CACNA2D2: variants seen among roughly 807,000 people sequenced by gnomAD.
The protein encoded by CACNA2D2 is voltage-dependent calcium channel subunit alpha-2/delta-2.
CACNA2D2 carries 48 observed loss-of-function variants against 166.4 expected under a neutral mutation model. That is an observed-to-expected ratio of 0.29 (90% CI 0.23 to 0.37). The LOEUF (loss-of-function observed/expected upper bound fraction) is 0.37. CACNA2D2 is among the 10% of genes least tolerant of loss of function. The pLI is 1.00. For synonymous variants in CACNA2D2, 561 were observed against 573.7 expected, an observed-to-expected ratio of 0.98 and a Z score of 0.32; for missense variants, 1,122 against 1,433.0, an observed-to-expected ratio of 0.78 and a Z score of 3.50.
intron 3 of CACNA2D2, among the ~76,000 whole-genome samples, chr3:50,426,429 C>G (rs1707809742): frequency 6.6e-6 from 1 of 152,184 alleles, no homozygotes. Flanking sequence ...GGGCCTGGGG[C>G]AGCTCAGCCA....
intron 1 of CACNA2D2, among the ~76,000 whole-genome samples, chr3:50,489,241 A>G (rs1340442032): frequency 2.6e-5 from 4 of 152,210 alleles, no homozygotes; most frequent in Non-Finnish European, 5.9e-5. Context: ...CAGCAGGCAT[A>G]TGCATCAGGG....
At chr3:50,409,992 A>G (rs1270274144) in intron 3 of CACNA2D2, among the ~76,000 whole-genome samples, 1 of 152,118 alleles carries the variant, frequency 6.6e-6, no homozygotes, top group Non-Finnish European at 1.5e-5. Flanking sequence ...AGGAGGCAGG[A>G]GGGGTCCTTG....
chr3:50,426,672 A>T (rs941407924), intron 3 of CACNA2D2, among the ~76,000 whole-genome samples: 2 of 152,128 alleles, frequency 1.3e-5, no homozygotes, highest in Non-Finnish European at 2.9e-5. Flanking sequence ...GTCAGGAATG[A>T]TCACAGCGCT....
Position 50,503,261 on chromosome 3 carries a change from C to T in CACNA2D2, c.163G>A (p.Ala55Thr), listed in dbSNP as rs1206386972. The T allele has an allele frequency of 8.4e-7, 1 of 1,189,780 alleles. No homozygotes were observed. Among genetic ancestry groups the T allele is most frequent in the Non-Finnish European group, 1.0e-6 (1 of 959,192 alleles). 73.7% of individuals were successfully genotyped at this position (1,189,780 alleles called of 1,614,324 possible). A position where few individuals can be genotyped will look rare whatever the true frequency, so the allele number is the denominator to read the frequency against. The change falls in exon 1 of 38, where the codon GCC becomes ACC. Residue 55 changes from alanine to threonine, a missense_variant. Ala to Thr is a moderately conservative substitution (Grantham distance 58, BLOSUM62 0). Coordinates refer to ENST00000424201, the MANE Select transcript of CACNA2D2 (RefSeq NM_006030.4). Reference sequence around the variant, plus strand: ...CTGTAGGCAGAGGCGCCGGGGGCGGCGAGCAGCGGTAGAAGCGGCAGCAGC... The same window carrying T: ...CTGTAGGCAGAGGCGCCGGGGGCGGTGAGCAGCGGTAGAAGCGGCAGCAGC... ...WLLLPLLPLL[A>T]APGASAYSFP...
intron 2 of CACNA2D2, among the ~76,000 whole-genome samples, chr3:50,473,862 A>G (rs1392154682): frequency 6.6e-6 from 1 of 152,226 alleles, no homozygotes; most frequent in Non-Finnish European, 1.5e-5. Context: ...TAAGAGGCTG[A>G]AGAAGCAGAG....
Position 50,367,887 on chromosome 3 carries a change from A to G in CACNA2D2, c.2159T>C (p.Leu720Pro). The G allele has an allele frequency of 1.8e-6, 2 of 1,111,694 alleles. No individual in the cohort carries two copies. Among genetic ancestry groups the G allele is most frequent in the Non-Finnish European group, 1.3e-6 (1 of 791,764 alleles). The allele number at this position is 1,111,694 out of a possible 1,614,324, so 68.9% of individuals were successfully genotyped here. The change falls in exon 25 of 38, where the codon CTG becomes CCG. Residue 720 changes from leucine (L) to proline (P), a missense_variant. Physicochemically the swap from Leu to Pro is moderately conservative, Grantham distance 98 (BLOSUM62 -3). Transcript: ENST00000424201. This position sits in a 1 kb window ranked among gnomAD's most constrained non-coding sequence, Gnocchi z 6.5. Reference protein sequence around the residue: ...PDSKQCNNFLLHNLILDTGIT... With the variant: ...PDSKQCNNFLPHNLILDTGIT... Reference sequence around the variant, plus strand: ...GCCCGTGTCCAAGATCAGGTTGTGCAGAAGGAAGTTGTTGCCTGGAACAGG... The same window carrying G: ...GCCCGTGTCCAAGATCAGGTTGTGCGGAAGGAAGTTGTTGCCTGGAACAGG...
intron 2 of CACNA2D2, among the ~76,000 whole-genome samples, chr3:50,438,223 C>T (rs202094023): frequency 6.6e-6 from 1 of 152,270 alleles, no homozygotes; most frequent in Non-Finnish European, 1.5e-5. Flanking sequence ...CTGGTTCCCC[C>T]CCTTGTTTCA....
At chr3:50,384,104 C>T in intron 6 of CACNA2D2, 92 bp downstream of exon 6, 1 of 1,509,308 alleles carries the variant, frequency 6.6e-7, no homozygotes, top group Non-Finnish European at 9.1e-7. Flanking sequence ...ATGGCACTGG[C>T]CTTCTGTCCC....
chr3:50,396,388 C>A (rs1330023720), intron 3 of CACNA2D2, among the ~76,000 whole-genome samples: 2 of 151,988 alleles, frequency 1.3e-5, no homozygotes, highest in Non-Finnish European at 2.9e-5. Flanking sequence ...ATGACACCGT[C>A]CCCTGTCCCA....
chr3:50,484,377 C>A (rs1287451306), intron 1 of CACNA2D2, among the ~76,000 whole-genome samples: 5 of 152,158 alleles, frequency 3.3e-5, no homozygotes, highest in African/African-American at 1.2e-4. Flanking sequence ...CCTCTACACA[C>A]GGCTGGAGTG....
At chr3:50,394,913 G>A (rs572346373) in intron 3 of CACNA2D2, among the ~76,000 whole-genome samples, 3 of 152,370 alleles carry the variant, frequency 2.0e-5, no homozygotes, top group Admixed American at 2.0e-4. Flanking sequence ...AGGAGAGGTT[G>A]AGGGACAGGA....
chr3:50,374,860 A>C, intron 21 of CACNA2D2, 47 bp from the exon 22 acceptor site: 1 of 1,438,880 alleles, frequency 6.9e-7, no homozygotes, highest in Non-Finnish European at 9.6e-7. Context: ...GGCGGGCCAC[A>C]CTGGCACCCC....
chr3:50,477,285 G>C (rs574799651), intron 1 of CACNA2D2, among the ~76,000 whole-genome samples: 3 of 152,318 alleles, frequency 2.0e-5, no homozygotes, highest in African/African-American at 7.2e-5. Flanking sequence ...GGAATACGGG[G>C]ATAATTTGGG....
intron 3 of CACNA2D2, among the ~76,000 whole-genome samples, chr3:50,418,213 G>A (rs978371602): frequency 1.3e-5 from 2 of 152,180 alleles, no homozygotes; most frequent in Admixed American, 6.5e-5. Flanking sequence ...GCTGGACCAG[G>A]GAAGGACACA....
At chr3:50,434,269 C>A in intron 3 of CACNA2D2, 44 bp downstream of exon 3, 1 of 1,370,350 alleles carries the variant, frequency 7.3e-7, no homozygotes. Context: ...CTCCACCTGG[C>A]CCTCCCTCAG....
intron 2 of CACNA2D2, among the ~76,000 whole-genome samples, chr3:50,449,939 C>G (rs1709023611): frequency 6.6e-6 from 1 of 152,166 alleles, no homozygotes; most frequent in Non-Finnish European, 1.5e-5. Context: ...ACCACCCAAG[C>G]TCACAAGGGC....
At chr3:50,470,515 G>C (rs2107060239) in intron 2 of CACNA2D2, among the ~76,000 whole-genome samples, 1 of 147,626 alleles carries the variant, frequency 6.8e-6, no homozygotes, top group African/African-American at 2.5e-5. Flanking sequence ...GCCTGCCATG[G>C]ATGAAATAGC....
intron 3 of CACNA2D2, among the ~76,000 whole-genome samples, chr3:50,413,064 CTAGAGCTAGGG>C: frequency 6.6e-6 from 1 of 152,244 alleles, no homozygotes; most frequent in East Asian, 1.9e-4. Flanking sequence ...CATGAGGAGT[CTAGAGCTAGGG>C]CCCCAGGGGA....
Position 50,367,357 on chromosome 3 carries a change from C to T in CACNA2D2, c.2401+37G>A, listed in dbSNP as rs761905217. ...CTGAGCAGACAGGGAAGCTGAGGCT[C>T]CCTGCCTGCTGCTGGGCACACTGCG... On this transcript the variant is annotated intron_variant, in intron 27 of 37. Transcript: ENST00000424201. The surrounding 1 kb of genome is among the most constrained non-coding windows in gnomAD (Gnocchi z 6.5). The T allele has an allele frequency of 6.3e-7, 1 of 1,578,334 alleles. No homozygotes were observed. The highest frequency in any genetic ancestry group is 8.7e-7 in the Non-Finnish European group (1 of 1,148,988).
Sources: allele counts gnomAD v4.1 joint callset (sites outside exome capture counted in the v4.1 genomes callset), GRCh38; gene constraint gnomAD v4.1.1; non-coding constraint Gnocchi (gnomAD v3.1); transcripts MANE v1.5; gene names NCBI Gene and HGNC (gene_info 2026-07-23, HGNC 2026-07-21).